CFAP299: variants seen among roughly 807,000 people sequenced by gnomAD.
The protein encoded by CFAP299 is cilia and flagella associated protein 299.
In CFAP299, 21 loss-of-function variants were observed where a neutral mutation model predicts 27.0. The ratio of observed to expected loss-of-function variants is 0.78; its 90% CI spans 0.55 to 1.12. The LOEUF is 1.12. CFAP299 is among the 50% of genes most tolerant of loss of function. The pLI is 0.00. For missense variants in CFAP299, 310 were observed against 276.6 expected, an observed-to-expected ratio of 1.12 and a Z score of -0.86; for synonymous variants, 104 against 98.1, an observed-to-expected ratio of 1.06 and a Z score of -0.36.
chr4:80,526,801 C>A (rs1363554633), intron 2 of CFAP299, among the ~76,000 whole-genome samples: 2 of 152,092 alleles, frequency 1.3e-5, no homozygotes, highest in Admixed American at 1.3e-4. Context: ...ACCTTACACA[C>A]CTTTTAGATC....
chr4:80,751,685 G>T lies in CFAP299; in HGVS notation c.334-118308G>T, dbSNP rs138748803. 3.3e-5 allele frequency among the ~76,000 whole-genome samples: 5 copies of T among 152,316 alleles called. No homozygotes were observed. The East Asian group carries it at 9.6e-4, about 29-fold the overall frequency. The stretch of plus-strand genomic sequence containing the variant: ...GGACCATTTGTATTTGCCAAAGCCA[G>T]CAGGCTGTAATAATTGAGTCTACTG... On this transcript the variant is annotated intron_variant, in intron 3 of 5. Transcript: ENST00000358105.
intron 4 of CFAP299, among the ~76,000 whole-genome samples, chr4:80,890,817 A>G (rs1352114618): frequency 6.8e-6 from 1 of 147,272 alleles, no homozygotes; most frequent in South Asian, 2.2e-4. Context: ...GCCAGTGATG[A>G]TGAGCATTTC....
At chr4:80,633,894 T>A (rs546729462) in intron 3 of CFAP299, among the ~76,000 whole-genome samples, 3 of 152,216 alleles carry the variant, frequency 2.0e-5, no homozygotes, top group Admixed American at 2.0e-4. Flanking sequence ...TCTTTAAGCA[T>A]TTTTAATAAT....
chr4:80,908,993 C>T (rs745588867), intron 4 of CFAP299, among the ~76,000 whole-genome samples: 27 of 152,116 alleles, frequency 1.8e-4, no homozygotes, highest in Non-Finnish European at 2.8e-4. Flanking sequence ...ACTTTAAATG[C>T]TAAGATTTTG....
At chr4:80,868,325 A>T (rs935992412) in intron 3 of CFAP299, among the ~76,000 whole-genome samples, 1 of 152,120 alleles carries the variant, frequency 6.6e-6, no homozygotes, top group South Asian at 2.1e-4. Context: ...TTGAGCAATG[A>T]TCTGATGTTA....
chr4:80,761,864 G>A (rs1382545784), intron 3 of CFAP299, among the ~76,000 whole-genome samples: 1 of 151,878 alleles, frequency 6.6e-6, no homozygotes, highest in Non-Finnish European at 1.5e-5. Context: ...AATATTAGGA[G>A]AGCATAGAAG....
At position 80,799,679 on chromosome 4, in the gene CFAP299, T is replaced by A. The variant is rs1463930419; in HGVS notation, c.334-70314T>A. On this transcript the variant is annotated intron_variant, in intron 3 of 5. Transcript: ENST00000358105. ...TATATTATATTTTATAAATATATAT[T>A]TATAAATATATAATATATAAAATAT... Among the ~76,000 whole-genome samples, 2 of 41,922 alleles carry A rather than the reference T, an allele frequency of 4.8e-5. 1 individual carries two copies. The highest frequency in any genetic ancestry group is 2.2e-4 in the African/African-American group (2 of 9,134). The allele number at this position is 41,922 out of a possible 152,430, so 27.5% of individuals were successfully genotyped here.
chr4:80,422,362 G>T (rs1435579242), intron 2 of CFAP299, among the ~76,000 whole-genome samples: 1 of 150,398 alleles, frequency 6.6e-6, no homozygotes, highest in Non-Finnish European at 1.5e-5. Flanking sequence ...GTTTTTCAGT[G>T]CTGCTAAAAT....
At chr4:80,490,809 C>T (rs558691292) in intron 2 of CFAP299, among the ~76,000 whole-genome samples, 1 of 151,974 alleles carries the variant, frequency 6.6e-6, no homozygotes, top group South Asian at 2.1e-4. Flanking sequence ...TATAACAATT[C>T]AATAACTCAG....
At chr4:80,828,608 C>A (rs1207253095) in intron 3 of CFAP299, among the ~76,000 whole-genome samples, 1 of 151,802 alleles carries the variant, frequency 6.6e-6, no homozygotes, top group Non-Finnish European at 1.5e-5. Flanking sequence ...GTAGCCCCTC[C>A]CCCTACCCTG....
intron 3 of CFAP299, among the ~76,000 whole-genome samples, chr4:80,850,182 A>G (rs1345912969): frequency 6.6e-6 from 1 of 152,110 alleles, no homozygotes; most frequent in Non-Finnish European, 1.5e-5. Context: ...AATTGAAAAC[A>G]CTGACTAATT....
At chr4:80,870,985 C>A (rs749010109) in intron 4 of CFAP299, 131 of 668,582 alleles carry the variant, frequency 2.0e-4, no homozygotes, top group Non-Finnish European at 2.3e-4. Context: ...TGGATCACTG[C>A]TACTTCCACC....
At chr4:80,576,111 C>G (rs1252479991) in intron 2 of CFAP299, among the ~76,000 whole-genome samples, 1 of 151,064 alleles carries the variant, frequency 6.6e-6, no homozygotes, top group Admixed American at 6.6e-5. Context: ...GTGCAGCACA[C>G]CAACATGACA....
chr4:80,873,689 C>A (rs1033703966), intron 4 of CFAP299, among the ~76,000 whole-genome samples: 13 of 152,288 alleles, frequency 8.5e-5, no homozygotes, highest in African/African-American at 3.1e-4. Context: ...GAACACTATT[C>A]CTGGTTTAAG....
intron 2 of CFAP299, among the ~76,000 whole-genome samples, chr4:80,401,882 C>T (rs1441333641): frequency 6.6e-6 from 1 of 152,176 alleles, no homozygotes; most frequent in Admixed American, 6.5e-5. Context: ...AGGGATGGAG[C>T]TGCCAAGACC....
At chr4:80,558,333 T>C (rs1023493187) in intron 2 of CFAP299, among the ~76,000 whole-genome samples, 6 of 151,534 alleles carry the variant, frequency 4.0e-5, no homozygotes, top group African/African-American at 1.5e-4. Flanking sequence ...CTGAAGACTT[T>C]TGTGGTTTTT....
intron 5 of CFAP299, among the ~76,000 whole-genome samples, chr4:80,949,902 G>A (rs1006795072): frequency 1.3e-5 from 2 of 152,050 alleles, no homozygotes; most frequent in Non-Finnish European, 2.9e-5. Flanking sequence ...GTTAGAAGGT[G>A]TAGAGCAGTA....
At chr4:80,649,507 A>G (rs1740185416) in intron 3 of CFAP299, among the ~76,000 whole-genome samples, 1 of 152,158 alleles carries the variant, frequency 6.6e-6, no homozygotes, top group Non-Finnish European at 1.5e-5. Context: ...AACTTAATGA[A>G]ACAATTTTAT....
chr4:80,562,657 CAATAATAATAATAATAATAAT>C (rs144281838), intron 2 of CFAP299, among the ~76,000 whole-genome samples: 49 of 140,834 alleles, frequency 3.5e-4, no homozygotes, highest in Middle Eastern at 3.5e-3. Flanking sequence ...GACTCAATTT[CAATAATAATAATAATAATAAT>C]AATAATAATA....
Sources: allele counts gnomAD v4.1 joint callset (sites outside exome capture counted in the v4.1 genomes callset), GRCh38; gene constraint gnomAD v4.1.1; transcripts MANE v1.5; gene names NCBI Gene and HGNC (gene_info 2026-07-23, HGNC 2026-07-21).